The following PARD3B variants were observed in gnomAD, a reference collection of about 807,000 sequenced individuals.
PARD3B encodes the protein partitioning defective 3 homolog B.
PARD3B carries 103 observed loss-of-function variants against 130.2 expected under a neutral mutation model. That is an observed-to-expected ratio of 0.79 (90% CI 0.67 to 0.93). The LOEUF (loss-of-function observed/expected upper bound fraction) is 0.93, where lower values mean the gene tolerates loss of function less well. Ranked by LOEUF, PARD3B falls within the 40% of genes least tolerant of loss-of-function variation. The probability of loss-of-function intolerance (pLI) is 0.00; values close to 1 mark genes in which losing one functional copy is unlikely to be tolerated. For synonymous variants in PARD3B, 583 were observed against 553.2 expected, an observed-to-expected ratio of 1.05 and a Z score of -0.76; for missense variants, 1,609 against 1,499.2, an observed-to-expected ratio of 1.07 and a Z score of -1.21.
intron 22 of PARD3B, among the ~76,000 whole-genome samples, chr2:205,603,201 T>C (rs966257035): frequency 6.6e-6 from 1 of 152,198 alleles, no homozygotes; most frequent in African/African-American, 2.4e-5. Flanking sequence ...GAGTTCTAAG[T>C]TGGTTGTGCT....
intron 19 of PARD3B, among the ~76,000 whole-genome samples, chr2:205,428,808 A>G (rs893739794): frequency 1.6e-4 from 24 of 152,164 alleles, no homozygotes; most frequent in African/African-American, 5.5e-4. Flanking sequence ...TCCCCCAGAA[A>G]TATGTATTTC....
chr2:205,395,529 CAGT>C (rs1242202912), intron 18 of PARD3B, among the ~76,000 whole-genome samples: 2 of 152,158 alleles, frequency 1.3e-5, no homozygotes, highest in Non-Finnish European at 2.9e-5. Flanking sequence ...TTAAGTGTTA[CAGT>C]TTTTCAGGAC....
chr2:205,097,830 CGTGTGTGTGTGTGTGTGT>C (rs71939970), intron 4 of PARD3B, among the ~76,000 whole-genome samples: 1 of 150,364 alleles, frequency 6.7e-6, no homozygotes, highest in African/African-American at 2.4e-5. Flanking sequence ...AATCTAGTGG[CGTGTGTGTGTGTGTGTGT>C]GTGTGTGTGT....
At chr2:205,250,986 G>C (rs988515213) in intron 16 of PARD3B, among the ~76,000 whole-genome samples, 1 of 152,096 alleles carries the variant, frequency 6.6e-6, no homozygotes, top group African/African-American at 2.4e-5. Context: ...AACTAGTTTG[G>C]GGTAAGGATA....
At chr2:204,866,704 T>C (rs1240229587) in intron 2 of PARD3B, among the ~76,000 whole-genome samples, 1 of 152,078 alleles carries the variant, frequency 6.6e-6, no homozygotes, top group Non-Finnish European at 1.5e-5. Context: ...TATATGTTTA[T>C]GTATGTATAT....
chr2:204,941,395 A>G (rs568319426), intron 2 of PARD3B, among the ~76,000 whole-genome samples: 28 of 152,294 alleles, frequency 1.8e-4, no homozygotes, highest in African/African-American at 6.7e-4. Flanking sequence ...GGAAAGTTCT[A>G]ACACCTTAAG....
At position 205,039,072 on chromosome 2, in the gene PARD3B, GT is replaced by G. The variant is rs751847039; in HGVS notation, c.395-8498del. On this transcript the variant is annotated intron_variant, in intron 3 of 22. Coordinates refer to ENST00000406610, the MANE Select transcript of PARD3B (RefSeq NM_001302769.2). The stretch of plus-strand genomic sequence containing the variant: ...TGTGCTGCTATTGATATCATTACCA[GT>G]TTTTTTTTTTATGGGTCTCCAGATT... Among the ~76,000 whole-genome samples, 276 of 145,758 alleles carry G rather than the reference GT, an allele frequency of 1.9e-3. 1 individual carries two copies. The highest frequency in any genetic ancestry group is 1.6e-3 in the East Asian group (8 of 4,990).
chr2:205,081,330 A>C (rs917881822), intron 4 of PARD3B, among the ~76,000 whole-genome samples: 7 of 152,090 alleles, frequency 4.6e-5, no homozygotes, highest in Non-Finnish European at 8.8e-5. Flanking sequence ...TGTTTTAAAA[A>C]TATATTTATA....
At chr2:204,586,319 C>T (rs920561645) in intron 1 of PARD3B, among the ~76,000 whole-genome samples, 1 of 152,180 alleles carries the variant, frequency 6.6e-6, no homozygotes, top group African/African-American at 2.4e-5. Context: ...TACCCTGACA[C>T]CAGTATCAGT....
chr2:205,179,871 C>T (rs1011635589), intron 13 of PARD3B, among the ~76,000 whole-genome samples: 1 of 107,048 alleles, frequency 9.3e-6, no homozygotes, highest in East Asian at 2.4e-4. Flanking sequence ...AGAAAATCCA[C>T]TCCAAGTGCA....
At chr2:204,896,079 C>A (rs1307686084) in intron 2 of PARD3B, among the ~76,000 whole-genome samples, 1 of 152,148 alleles carries the variant, frequency 6.6e-6, no homozygotes, top group Non-Finnish European at 1.5e-5. Context: ...TCAGACTTCC[C>A]TTAAACCAAA....
chr2:205,261,838 A>G (rs1282071231), intron 16 of PARD3B, among the ~76,000 whole-genome samples: 1 of 152,164 alleles, frequency 6.6e-6, no homozygotes, highest in Admixed American at 6.5e-5. Context: ...GTCCTTGCCC[A>G]TGTGGCCATG....
intron 20 of PARD3B, among the ~76,000 whole-genome samples, chr2:205,475,556 A>G (rs2048995955): frequency 1.3e-5 from 2 of 152,180 alleles, no homozygotes; most frequent in South Asian, 4.1e-4. Flanking sequence ...TATGTGGTCC[A>G]GATTCAGGAA....
At chr2:204,724,814 G>A (rs564538735) in intron 2 of PARD3B, among the ~76,000 whole-genome samples, 2 of 136,540 alleles carry the variant, frequency 1.5e-5, no homozygotes, top group South Asian at 5.1e-4. Flanking sequence ...AGTAATAGAG[G>A]CCATATATGT....
intron 1 of PARD3B, among the ~76,000 whole-genome samples, chr2:204,640,659 T>C (rs996228354): frequency 6.6e-6 from 1 of 152,206 alleles, no homozygotes; most frequent in African/African-American, 2.4e-5. Context: ...AGGTCCTTCA[T>C]TAACTTGCCT....
At chr2:204,640,908 A>G (rs1391266243) in intron 1 of PARD3B, among the ~76,000 whole-genome samples, 1 of 148,176 alleles carries the variant, frequency 6.7e-6, no homozygotes, top group African/African-American at 2.4e-5. Flanking sequence ...TATATTTTAT[A>G]TATATATTTA....
chr2:205,119,175 C>A, intron 7 of PARD3B, 129 bp downstream of exon 7: 1 of 1,246,516 alleles, frequency 8.0e-7, no homozygotes, highest in Non-Finnish European at 1.1e-6. Flanking sequence ...TCCAGGATAT[C>A]CATTTTCGAA....
In PARD3B at chr2:205,564,948, G is replaced by A. The variant is rs74711592; in HGVS notation, c.3260+11545G>A. Among the ~76,000 whole-genome samples the A allele has an allele frequency of 6.6e-6, 1 of 152,200 alleles. No homozygotes were observed. The highest frequency in any genetic ancestry group is 2.4e-5 in the African/African-American group (1 of 41,460). Reference sequence around the variant, plus strand: ...AGAGGGTTGCCCCACTCTGCAATCAGAACTGACCCTTATGGCCGAACATGG... The same window carrying A: ...AGAGGGTTGCCCCACTCTGCAATCAAAACTGACCCTTATGGCCGAACATGG... On this transcript the variant is annotated intron_variant, in intron 22 of 22. Transcript: ENST00000406610. This position sits in a 1 kb window ranked among gnomAD's most constrained non-coding sequence, Gnocchi z 4.6.
intron 4 of PARD3B, among the ~76,000 whole-genome samples, chr2:205,072,825 A>G (rs1446817617): frequency 6.6e-6 from 1 of 152,188 alleles, no homozygotes; most frequent in African/African-American, 2.4e-5. Context: ...CGACGATACC[A>G]ACTTTTAAAA....
Sources: gnomAD v4.1 joint callset for allele counts (sites outside exome capture counted in the v4.1 genomes callset) on GRCh38, gnomAD v4.1.1 for gene constraint, Gnocchi (gnomAD v3.1) non-coding constraint, MANE v1.5 for transcripts, NCBI Gene and HGNC (gene_info 2026-07-23, HGNC 2026-07-21) for gene names.